The following TMTC4 variants were observed in gnomAD, a reference collection of about 807,000 sequenced individuals.
The protein encoded by TMTC4 is transmembrane O-mannosyltransferase targeting cadherins 4, also known as protein O-mannosyl-transferase TMTC4.
A neutral mutation model predicts 86.0 loss-of-function variants in TMTC4; 65 were observed. The observed-to-expected ratio is 0.76, with a 90% CI of 0.62 to 0.93. The LOEUF is 0.93. TMTC4 is among the 40% of genes least tolerant of loss of function. The pLI, the probability that TMTC4 is intolerant of heterozygous loss-of-function variation, is 0.00. For synonymous variants in TMTC4, 379 were observed against 382.5 expected, an observed-to-expected ratio of 0.99 and a Z score of 0.11; for missense variants, 866 against 948.1, an observed-to-expected ratio of 0.91 and a Z score of 1.14.
intron 5 of TMTC4, among the ~76,000 whole-genome samples, chr13:100,657,066 G>A (rs986043004): frequency 6.6e-6 from 1 of 152,096 alleles, no homozygotes; most frequent in African/African-American, 2.4e-5. Flanking sequence ...CGATATGCAC[G>A]TGCCATAAAA....
rs1471504761 is a variant in TMTC4, at chr13:100,674,734, C to G, written c.-208+10G>C. 26 of 983,414 alleles carry G rather than the reference C, an allele frequency of 2.6e-5. No homozygotes were observed. The highest frequency in any genetic ancestry group is 3.1e-5 in the Non-Finnish European group (26 of 829,178). 60.9% of individuals were successfully genotyped at this position (983,414 alleles called of 1,614,324 possible). A position where few individuals can be genotyped will look rare whatever the true frequency, so the allele number is the denominator to read the frequency against. On this transcript the variant is annotated intron_variant, in intron 1 of 18. Transcript: ENST00000342624. ...GCGCTCGGCCCTGCAGGGGCCGCCC[C>G]GCGCGTTACCTGCAAGGAGCCTGAG... is the stretch of plus-strand genomic sequence containing the variant.
rs879720391 is a variant in TMTC4, at chr13:100,612,661, A to G, written c.1952-151T>C. On this transcript the variant is annotated intron_variant, in intron 16 of 18. Transcript: ENST00000342624. ...TCTGTGTAGATCATGTAATACACAC[A>G]CACACACACACACACACACACACAC... The G allele has an allele frequency of 3.4e-3, 664 of 197,452 alleles. 6 individuals are homozygous for G. Among genetic ancestry groups the G allele is most frequent in the African/African-American group, 0.018 (504 of 27,302 alleles). 12.2% of individuals were successfully genotyped at this position (197,452 alleles called of 1,614,324 possible). A position where few individuals can be genotyped will look rare whatever the true frequency, so the allele number is the denominator to read the frequency against.
intron 1 of TMTC4, chr13:100,673,129 A>G (rs2139088036): frequency 6.2e-6 from 1 of 160,586 alleles, no homozygotes; most frequent in Non-Finnish European, 1.3e-5. Flanking sequence ...ACAATTTCTC[A>G]AACTTCTCAT....
rs71200708 is a variant in TMTC4 at position 100,623,640 on chromosome 13, G to GTTTTTTTTTTTT, written c.1836+1894_1836+1895insAAAAAAAAAAAA. ...GTCAGTTTTGGAAACTACTAGTTGG[G>GTTTTTTTTTTTT]TTTTGTTTTTTTTTTTTTTTTTTTT... On this transcript the variant is annotated intron_variant, in intron 15 of 18. Coordinates refer to ENST00000342624, the MANE Select transcript of TMTC4 (RefSeq NM_032813.5). Among the ~76,000 whole-genome samples the GTTTTTTTTTTTT allele has an allele frequency of 8.3e-5, 8 of 96,162 alleles. 3 individuals carry two copies. Among genetic ancestry groups the GTTTTTTTTTTTT allele is most frequent in the Non-Finnish European group, 4.1e-5 (2 of 49,184 alleles). The allele number at this position is 96,162 out of a possible 152,430, so 63.1% of individuals were successfully genotyped here.
intron 3 of TMTC4, among the ~76,000 whole-genome samples, chr13:100,666,557 T>C (rs1030882696): frequency 1.3e-5 from 2 of 152,228 alleles, no homozygotes; most frequent in African/African-American, 2.4e-5. Context: ...CCAACATTTT[T>C]CAACATGGTT....
intron 7 of TMTC4, among the ~76,000 whole-genome samples, chr13:100,639,305 T>A (rs1287507599): frequency 6.6e-6 from 1 of 152,220 alleles, no homozygotes; most frequent in Non-Finnish European, 1.5e-5. Context: ...GCTGGGTTAA[T>A]CAGTTCAAAG....
chr13:100,637,748 A>G, intron 8 of TMTC4, 46 bp from the exon 9 acceptor site: 1 of 1,597,446 alleles, frequency 6.3e-7, no homozygotes, highest in South Asian at 1.1e-5. Context: ...TTTTCACATA[A>G]AAGTGTGGCT....
At chr13:100,630,382 G>A (rs1021501051) in intron 12 of TMTC4, among the ~76,000 whole-genome samples, 6 of 152,208 alleles carry the variant, frequency 3.9e-5, no homozygotes, top group Non-Finnish European at 7.3e-5. Flanking sequence ...TGATAAAAAT[G>A]TGTGTACTAC....
At chr13:100,634,735 C>T (rs1881952135) in intron 12 of TMTC4, 70 bp downstream of exon 12, 3 of 1,543,838 alleles carry the variant, frequency 1.9e-6, no homozygotes, top group Non-Finnish European at 2.6e-6. Context: ...AGGAAATGTT[C>T]TTATTCAGCC....
chr13:100,604,648 C>A lies in TMTC4; in HGVS notation c.*346G>T, dbSNP rs1451366747. On this transcript the variant is annotated 3_prime_UTR_variant, in exon 19 of 19. Transcript: ENST00000342624. Reference sequence around the variant, plus strand: ...TGGTCATAATTGAAGTTTAATAGTGCTAGTCCATACACGACAAGGCTCAGA... The same window carrying A: ...TGGTCATAATTGAAGTTTAATAGTGATAGTCCATACACGACAAGGCTCAGA... 2 of 176,122 alleles carry A rather than the reference C, an allele frequency of 1.1e-5. No individual in the cohort carries two copies. Among genetic ancestry groups the A allele is most frequent in the Non-Finnish European group, 2.4e-5 (2 of 84,390 alleles). 10.9% of individuals were successfully genotyped at this position (176,122 alleles called of 1,614,324 possible).
rs1283122320 is a variant in TMTC4, at chr13:100,605,391, A to G, written c.2135-249T>C. ...ATAAGATACATCTGCCTATAGTAACATTATTACATAAAGAAGCAAAAAGAA... is the reference window on the plus strand; with the variant it reads ...ATAAGATACATCTGCCTATAGTAACGTTATTACATAAAGAAGCAAAAAGAA... On this transcript the variant is annotated intron_variant, in intron 18 of 18. Coordinates refer to ENST00000342624, the MANE Select transcript of TMTC4 (RefSeq NM_032813.5). The surrounding 1 kb of genome is among the most constrained non-coding windows in gnomAD (Gnocchi z 4.3). Among the ~76,000 whole-genome samples the G allele has an allele frequency of 6.6e-6, 1 of 152,218 alleles. No individual in the cohort carries two copies. The highest frequency in any genetic ancestry group is 1.5e-5 in the Non-Finnish European group (1 of 68,040).
upstream of TMTC4, chr13:100,675,051 C>G (rs1002335495): frequency 3.0e-6 from 3 of 985,594 alleles, no homozygotes; most frequent in African/African-American, 1.7e-5. Flanking sequence ...GCGAAGGAGG[C>G]GCAGGGACAG....
chr13:100,635,324 G>C (rs1017084221), intron 10 of TMTC4, 129 bp from the exon 11 acceptor site: 33 of 1,050,700 alleles, frequency 3.1e-5, no homozygotes, highest in Non-Finnish European at 4.3e-5. Context: ...AGATATTGTT[G>C]TCAGCCAAAG....
At chr13:100,646,903 A>C (rs1362976188) in intron 6 of TMTC4, among the ~76,000 whole-genome samples, 1 of 152,266 alleles carries the variant, frequency 6.6e-6, no homozygotes, top group Admixed American at 6.5e-5. Flanking sequence ...ACTCATCAGC[A>C]GATAAGTATT....
At chr13:100,614,265 A>C in intron 16 of TMTC4, 51 bp downstream of exon 16, 2 of 1,395,452 alleles carry the variant, frequency 1.4e-6, no homozygotes, top group Non-Finnish European at 2.0e-6. Flanking sequence ...CTTCGGTGGC[A>C]TTTTACTGTG....
intron 15 of TMTC4, among the ~76,000 whole-genome samples, chr13:100,615,552 G>C (rs190154038): frequency 2.8e-4 from 42 of 152,192 alleles, no homozygotes; most frequent in African/African-American, 8.7e-4. Context: ...TCCCAAGTTC[G>C]AACAATTCTC....
Position 100,664,247 on chromosome 13 carries a change from G to A in TMTC4, c.309C>T (p.Tyr103=). 5 of 1,612,096 alleles carry A rather than the reference G, an allele frequency of 3.1e-6. No individual in the cohort carries two copies. Among genetic ancestry groups the A allele is most frequent in the Non-Finnish European group, 4.2e-6 (5 of 1,179,052 alleles). ...RLSSNTSHKS[Y]RPLTVLTFRI... is the part of the protein sequence containing the mutation. The stretch of plus-strand genomic sequence containing the variant: ...TGAAAGTCAGGACGGTGAGAGGCCG[G>A]TAGGACTTGTGGCTGGTGTTGCTGC... Residue 103 remains tyrosine (Y), a synonymous_variant, in exon 4 of 19, where the codon TAC becomes TAT. Coordinates refer to ENST00000342624, the MANE Select transcript of TMTC4 (RefSeq NM_032813.5).
At chr13:100,657,214 A>G (rs1285096255) in intron 5 of TMTC4, among the ~76,000 whole-genome samples, 1 of 152,238 alleles carries the variant, frequency 6.6e-6, no homozygotes, top group Non-Finnish European at 1.5e-5. Flanking sequence ...TGGAAACATG[A>G]AGGACATAAA....
chr13:100,608,484 G>C (rs967489641), intron 17 of TMTC4, among the ~76,000 whole-genome samples: 1 of 152,172 alleles, frequency 6.6e-6, no homozygotes, highest in African/African-American at 2.4e-5. Context: ...CAAAAGAAGG[G>C]GTGTCAGGAG....
Sources: gnomAD v4.1 joint callset for allele counts (sites outside exome capture counted in the v4.1 genomes callset) on GRCh38, gnomAD v4.1.1 for gene constraint, Gnocchi (gnomAD v3.1) non-coding constraint, MANE v1.5 for transcripts, NCBI Gene and HGNC (gene_info 2026-07-23, HGNC 2026-07-21) for gene names.